Variants in CDK14 observed in about 807,000 individuals in gnomAD.
CDK14 encodes the protein cyclin-dependent kinase 14.
A neutral mutation model predicts 60.7 loss-of-function variants in CDK14; 34 were observed. The observed-to-expected ratio is 0.56, with a 90% CI of 0.43 to 0.75. The LOEUF is 0.75. Among genes scored for constraint, CDK14 ranks in the 30% least tolerant of loss-of-function variants. The pLI, the probability that CDK14 is intolerant of heterozygous loss-of-function variation, is 0.00. For synonymous variants in CDK14, 197 were observed against 203.7 expected (o/e 0.97, Z 0.28); for missense variants, 482 against 564.1 (o/e 0.85, Z 1.47).
At chr7:90,766,989 G>C (rs553977859) in intron 4 of CDK14, among the ~76,000 whole-genome samples, 2 of 152,106 alleles carry the variant, frequency 1.3e-5, no homozygotes, top group East Asian at 1.9e-4. Flanking sequence ...GAGCCATGTC[G>C]AGCCATGTAG....
Position 91,210,347 on chromosome 7 carries a change from T to TTC in CDK14, c.*3212_*3213insCT, listed in dbSNP as rs1724415571. On this transcript the variant is annotated 3_prime_UTR_variant, in exon 15 of 15. Transcript: ENST00000380050. ...GTTTTCCTTTTATCTTTTATTTTTT[T>TTC]TTGTATGATGCACTGAGATGTGTAC... 6.6e-6 allele frequency: 1 copy of TTC among 152,340 alleles called. No individual in the cohort carries two copies. Among genetic ancestry groups the TTC allele is most frequent in the South Asian group, 2.1e-4 (1 of 4,784 alleles). The allele number at this position is 152,340 out of a possible 1,614,324, so 9.4% of individuals were successfully genotyped here. A position where few individuals can be genotyped will look rare whatever the true frequency, so the allele number is the denominator to read the frequency against.
intron 3 of CDK14, among the ~76,000 whole-genome samples, chr7:90,729,685 G>A (rs1208583640): frequency 6.6e-6 from 1 of 151,414 alleles, no homozygotes; most frequent in Non-Finnish European, 1.5e-5. Flanking sequence ...ATATTACTTT[G>A]TGTGGGAACT....
intron 11 of CDK14, among the ~76,000 whole-genome samples, chr7:91,076,242 C>CAAAAAAAAAAAAAAAAAAAAAAAAAAA (rs564729987): frequency 6.9e-5 from 2 of 28,800 alleles, no homozygotes; most frequent in Non-Finnish European, 1.4e-4. Context: ...CTACAGTAAC[C>CAAAAAAAAAAAAAAAAAAAAAAAAAAA]AAAAAAAAAA....
chr7:90,674,545 T>A (rs1437117962), intron 2 of CDK14, among the ~76,000 whole-genome samples: 1 of 152,234 alleles, frequency 6.6e-6, no homozygotes, highest in East Asian at 1.9e-4. Flanking sequence ...GTGCTTAATT[T>A]GCTTCCATGA....
intron 5 of CDK14, among the ~76,000 whole-genome samples, chr7:90,826,909 T>G (rs1479976486): frequency 6.6e-6 from 1 of 152,196 alleles, no homozygotes; most frequent in Non-Finnish European, 1.5e-5. Flanking sequence ...GTGCAGAGCT[T>G]ACATCAGGGT....
At chr7:91,116,698 G>A (rs543189495) in intron 13 of CDK14, among the ~76,000 whole-genome samples, 20 of 152,100 alleles carry the variant, frequency 1.3e-4, no homozygotes, top group African/African-American at 1.9e-4. Context: ...CCTGGCTTTC[G>A]AAGTCTCTAT....
intron 5 of CDK14, among the ~76,000 whole-genome samples, chr7:90,811,338 A>T (rs1197859529): frequency 6.6e-6 from 1 of 151,970 alleles, no homozygotes; most frequent in Non-Finnish European, 1.5e-5. Context: ...CTGATCTTTG[A>T]CAAACCTGAG....
At chr7:90,608,768 A>G (rs1246695305) in intron 2 of CDK14, among the ~76,000 whole-genome samples, 1 of 152,170 alleles carries the variant, frequency 6.6e-6, no homozygotes. Context: ...GGCTGCTAGC[A>G]CTTATTTTGT....
At chr7:90,661,877 A>G (rs1188997268) in intron 2 of CDK14, among the ~76,000 whole-genome samples, 4 of 94,008 alleles carry the variant, frequency 4.3e-5, no homozygotes, top group East Asian at 5.0e-4. Flanking sequence ...CCCATGTAGC[A>G]AGGGTCTCTG....
intron 2 of CDK14, among the ~76,000 whole-genome samples, chr7:90,681,309 C>T (rs1162883205): frequency 1.3e-5 from 2 of 152,148 alleles, no homozygotes; most frequent in African/African-American, 4.8e-5. Flanking sequence ...TCCCTGTGTA[C>T]TTTTGGCAAA....
chr7:91,042,764 T>C (rs1362283899), intron 10 of CDK14, among the ~76,000 whole-genome samples: 1 of 152,334 alleles, frequency 6.6e-6, no homozygotes, highest in East Asian at 1.9e-4. Context: ...TTGCAAAAGA[T>C]AATTTTTGAC....
At chr7:90,650,763 G>A (rs1050821179) in intron 2 of CDK14, among the ~76,000 whole-genome samples, 26 of 152,152 alleles carry the variant, frequency 1.7e-4, no homozygotes, top group African/African-American at 5.8e-4. Flanking sequence ...AGATCAAATT[G>A]TTGTAGATGT....
chr7:90,928,600 G>T (rs960481657), intron 8 of CDK14, among the ~76,000 whole-genome samples: 1 of 152,314 alleles, frequency 6.6e-6, no homozygotes, highest in East Asian at 1.9e-4. Context: ...TCTCAGAGGG[G>T]TACCTGGCTG....
chr7:91,182,978 A>G (rs1230190225), intron 14 of CDK14, among the ~76,000 whole-genome samples: 5 of 152,188 alleles, frequency 3.3e-5, no homozygotes, highest in African/African-American at 1.2e-4. Context: ...AGGCATATCC[A>G]TTTATATGCA....
chr7:90,863,860 ATAAT>A (rs1791091455), intron 6 of CDK14, among the ~76,000 whole-genome samples: 4 of 152,262 alleles, frequency 2.6e-5, no homozygotes, highest in Non-Finnish European at 4.4e-5. Flanking sequence ...ACTTGAACTC[ATAAT>A]TAATTCTTCT....
At chr7:90,906,032 C>T (rs769160057) in intron 7 of CDK14, among the ~76,000 whole-genome samples, 1 of 152,010 alleles carries the variant, frequency 6.6e-6, no homozygotes, top group Non-Finnish European at 1.5e-5. Context: ...ATATGAACTG[C>T]AGGTGAAATT....
At chr7:90,694,690 C>T (rs1399385720) in intron 2 of CDK14, among the ~76,000 whole-genome samples, 1 of 152,088 alleles carries the variant, frequency 6.6e-6, no homozygotes, top group Non-Finnish European at 1.5e-5. Context: ...AAACTGCATG[C>T]ATAGGAATTT....
At chr7:90,808,693 C>T (rs1252105704) in intron 5 of CDK14, among the ~76,000 whole-genome samples, 2 of 152,098 alleles carry the variant, frequency 1.3e-5, no homozygotes, top group Non-Finnish European at 2.9e-5. Flanking sequence ...AGAGTCAAGA[C>T]CCATCAGTGT....
intron 3 of CDK14, among the ~76,000 whole-genome samples, chr7:90,731,158 G>A (rs1802850467): frequency 6.6e-6 from 1 of 152,076 alleles, no homozygotes; most frequent in Admixed American, 6.6e-5. Context: ...GAGATCAGAT[G>A]GTTGTAGATG....
Sources: gnomAD v4.1 joint callset for allele counts (sites outside exome capture counted in the v4.1 genomes callset) on GRCh38, gnomAD v4.1.1 for gene constraint, MANE v1.5 for transcripts, NCBI Gene and HGNC (gene_info 2026-07-23, HGNC 2026-07-21) for gene names.